The following EPN2 variants were observed in gnomAD, a reference collection of about 807,000 sequenced individuals.
EPN2 encodes the protein epsin-2.
A neutral mutation model predicts 61.7 loss-of-function variants in EPN2; 34 were observed. The observed-to-expected ratio is 0.55, with a 90% CI of 0.42 to 0.73. The LOEUF is 0.73. EPN2 is among the 30% of genes least tolerant of loss of function. The probability of loss-of-function intolerance (pLI) is 0.00; values close to 1 mark genes in which losing one functional copy is unlikely to be tolerated. For synonymous variants in EPN2, 349 were observed against 353.6 expected, an observed-to-expected ratio of 0.99 and a Z score of 0.15; for missense variants, 714 against 839.2, an observed-to-expected ratio of 0.85 and a Z score of 1.84.
rs538177540 is a variant in EPN2 at position 19,254,836 on chromosome 17, T to C, written c.-294+17305T>C. Among the ~76,000 whole-genome samples, 22 of 152,308 alleles carry C rather than the reference T, an allele frequency of 1.4e-4. No individual in the cohort carries two copies. The South Asian group carries it at 4.6e-3, about 32-fold the overall frequency. ...AGAGTCATTGACAAAGGAGCTTGTT[T>C]TCCTGGATACCAAGTCTGTGTCTTT... is the stretch of plus-strand genomic sequence containing the variant. On this transcript the variant is annotated intron_variant, in intron 1 of 10. Coordinates refer to ENST00000314728, the MANE Select transcript of EPN2 (RefSeq NM_014964.5).
chr17:19,279,840 CTTT>C (rs749421925), intron 1 of EPN2: 8 of 126,274 alleles, frequency 6.3e-5, no homozygotes, highest in Non-Finnish European at 5.2e-5. Flanking sequence ...CTTTTCTTTT[CTTT>C]TTTTTTTTTT....
intron 1 of EPN2, among the ~76,000 whole-genome samples, chr17:19,259,814 G>T (rs1304074232): frequency 6.6e-6 from 1 of 152,230 alleles, no homozygotes; most frequent in Non-Finnish European, 1.5e-5. Flanking sequence ...GCTCCTAAAT[G>T]CCCGGAGGAA....
chr17:19,294,306 T>C (rs2045494372), intron 4 of EPN2, among the ~76,000 whole-genome samples: 1 of 151,590 alleles, frequency 6.6e-6, no homozygotes, highest in Admixed American at 6.6e-5. Flanking sequence ...TAGTCCCAGC[T>C]ACTTTGTGGG....
intron 9 of EPN2, among the ~76,000 whole-genome samples, chr17:19,331,391 A>G (rs573391393): frequency 7.9e-5 from 12 of 152,284 alleles, no homozygotes; most frequent in African/African-American, 2.4e-4. Flanking sequence ...TCACATTCCT[A>G]CCGGCCTGGC....
chr17:19,253,478 G>A (rs1185867947), intron 1 of EPN2, among the ~76,000 whole-genome samples: 1 of 142,826 alleles, frequency 7.0e-6, no homozygotes, highest in East Asian at 2.2e-4. Context: ...GCAGTGGTGT[G>A]ACCATGGCTC....
intron 1 of EPN2, among the ~76,000 whole-genome samples, chr17:19,238,687 A>G (rs1270680848): frequency 6.6e-6 from 1 of 152,200 alleles, no homozygotes; most frequent in African/African-American, 2.4e-5. Context: ...TCTGTTTACC[A>G]CATTTAATAA....
intron 4 of EPN2, chr17:19,306,069 A>G (rs1905826744): frequency 1.3e-5 from 2 of 152,372 alleles, no homozygotes; most frequent in Non-Finnish European, 1.5e-5. Flanking sequence ...AGCTTAAACT[A>G]ACAATTCCCG....
chr17:19,265,814 A>G (rs1255395263), intron 1 of EPN2, among the ~76,000 whole-genome samples: 2 of 152,152 alleles, frequency 1.3e-5, no homozygotes. Context: ...AAATAAAACT[A>G]AGTATGCTGC....
chr17:19,296,826 C>G (rs1005840134), intron 4 of EPN2: 1 of 152,452 alleles, frequency 6.6e-6, no homozygotes, highest in Non-Finnish European at 1.5e-5. Context: ...CCAGGCTGAT[C>G]TGGAACTCCT....
intron 1 of EPN2, among the ~76,000 whole-genome samples, chr17:19,238,101 G>T (rs2152195362): frequency 6.6e-6 from 1 of 152,318 alleles, no homozygotes. Context: ...CGTCCTTGGG[G>T]ACCAGGCTCC....
chr17:19,307,789 C>G, intron 4 of EPN2: 1 of 494,558 alleles, frequency 2.0e-6, no homozygotes, highest in Non-Finnish European at 2.6e-6. Context: ...CAGAAGCAGC[C>G]TCTTTCTACC....
At chr17:19,297,258 C>T (rs1033253174) in intron 4 of EPN2, 12 of 152,194 alleles carry the variant, frequency 7.9e-5, no homozygotes, top group African/African-American at 2.9e-4. Flanking sequence ...GCAAAGCATG[C>T]AGGTTCTTAA....
At chr17:19,291,480 C>A (rs1597999353) in intron 4 of EPN2, among the ~76,000 whole-genome samples, 1 of 134,300 alleles carries the variant, frequency 7.4e-6, no homozygotes, top group East Asian at 2.2e-4. Context: ...CTCTTTCGCC[C>A]AGGCTGGACT....
intron 1 of EPN2, among the ~76,000 whole-genome samples, chr17:19,256,158 C>G (rs1240085024): frequency 6.6e-6 from 1 of 151,894 alleles, no homozygotes; most frequent in Non-Finnish European, 1.5e-5. Flanking sequence ...AGGATGGTCG[C>G]GATCTCCTGA....
intron 1 of EPN2, among the ~76,000 whole-genome samples, chr17:19,246,953 G>A (rs1422039069): frequency 6.6e-6 from 1 of 151,984 alleles, no homozygotes; most frequent in South Asian, 2.1e-4. Flanking sequence ...TGTATTTATG[G>A]TAGAGAGGGG....
intron 1 of EPN2, among the ~76,000 whole-genome samples, chr17:19,262,802 G>A (rs1597978803): frequency 6.6e-6 from 1 of 152,330 alleles, no homozygotes; most frequent in East Asian, 1.9e-4. Flanking sequence ...CTGTGGATTT[G>A]CCTGTTCTGG....
At chr17:19,316,643 G>A (rs1021598637) in intron 7 of EPN2, among the ~76,000 whole-genome samples, 2 of 152,162 alleles carry the variant, frequency 1.3e-5, no homozygotes, top group Non-Finnish European at 2.9e-5. Context: ...CTCAGTTGAA[G>A]CTATATTGTA....
At chr17:19,308,801 G>A (rs1024270513) in intron 4 of EPN2, among the ~76,000 whole-genome samples, 1 of 152,178 alleles carries the variant, frequency 6.6e-6, no homozygotes, top group African/African-American at 2.4e-5. Context: ...ATTTCTAAAA[G>A]CATTTAGATT....
In EPN2 at chr17:19,309,957, T is replaced by C; in HGVS notation, c.839T>C (p.Leu280Pro). The change falls in exon 5 of 11, where the codon CTG becomes CCG. Residue 280 changes from leucine to proline, a missense_variant. Physicochemically the swap from Leu to Pro is moderately conservative, Grantham distance 98. Transcript: ENST00000314728. ...ACTAGTGGAGAAGAGGAGCTTCAGC[T>C]GCAGCTGGCACTTGCCATGAGCAGA... ...PQTSGEEELQ[L>P]QLALAMSREV... The C allele has an allele frequency of 6.2e-7, 1 of 1,608,998 alleles. No homozygotes were observed. The highest frequency in any genetic ancestry group is 8.5e-7 in the Non-Finnish European group (1 of 1,179,996).
Sources: gnomAD v4.1 joint callset for allele counts (sites outside exome capture counted in the v4.1 genomes callset) on GRCh38, gnomAD v4.1.1 for gene constraint, MANE v1.5 for transcripts, NCBI Gene and HGNC (gene_info 2026-07-23, HGNC 2026-07-21) for gene names.